ANXA10: variants seen among roughly 807,000 people sequenced by gnomAD.
ANXA10 encodes the protein annexin 14.
In ANXA10, 49 loss-of-function variants were observed where a neutral mutation model predicts 53.5. The ratio of observed to expected loss-of-function variants is 0.92; its 90% CI spans 0.73 to 1.16. ANXA10 has a LOEUF of 1.16. ANXA10 is among the 50% of genes most tolerant of loss of function. ANXA10 has a pLI of 0.00. For missense variants in ANXA10, 393 were observed against 394.4 expected, an observed-to-expected ratio of 1.00 and a Z score of 0.03; for synonymous variants, 131 against 128.9, an observed-to-expected ratio of 1.02 and a Z score of -0.11.
intron 1 of ANXA10, among the ~76,000 whole-genome samples, chr4:168,114,385 C>T (rs1335063054): frequency 3.3e-5 from 5 of 151,966 alleles, no homozygotes; most frequent in East Asian, 1.9e-4. Flanking sequence ...GCAATTCTCC[C>T]GACTCAGCCT....
chr4:168,123,288 A>AG (rs1349288117), intron 1 of ANXA10, among the ~76,000 whole-genome samples: 1 of 151,790 alleles, frequency 6.6e-6, no homozygotes, highest in Admixed American at 6.6e-5. Context: ...AAAAACAAAA[A>AG]AAACCCAGAC....
intron 2 of ANXA10, among the ~76,000 whole-genome samples, chr4:168,134,312 A>G (rs1731200565): frequency 1.3e-5 from 2 of 152,148 alleles, no homozygotes; most frequent in Admixed American, 6.6e-5. Context: ...GACAACACTT[A>G]CAAAATTGAT....
chr4:168,148,454 C>T (rs927221551), intron 3 of ANXA10, among the ~76,000 whole-genome samples: 4 of 152,086 alleles, frequency 2.6e-5, no homozygotes, highest in Admixed American at 1.3e-4. Flanking sequence ...CATGAGCCAC[C>T]GTGCCTGGCC....
intron 6 of ANXA10, among the ~76,000 whole-genome samples, chr4:168,167,801 A>T (rs2149478222): frequency 6.6e-6 from 1 of 152,040 alleles, no homozygotes; most frequent in East Asian, 1.9e-4. Flanking sequence ...TGCCTTTTTT[A>T]TTTTCACGAC....
chr4:168,153,332 C>G (rs1282988092), intron 3 of ANXA10, among the ~76,000 whole-genome samples: 1 of 150,574 alleles, frequency 6.6e-6, no homozygotes, highest in Non-Finnish European at 1.5e-5. Flanking sequence ...TCTGGTTGGG[C>G]CAAGAAAGGG....
chr4:168,114,691 G>A (rs761050774), intron 1 of ANXA10, among the ~76,000 whole-genome samples: 1 of 151,962 alleles, frequency 6.6e-6, no homozygotes, highest in Non-Finnish European at 1.5e-5. Context: ...CCCTCTATGT[G>A]TCCATGTGTT....
At chr4:168,178,573 G>A (rs751624443) in intron 8 of ANXA10, among the ~76,000 whole-genome samples, 1 of 151,978 alleles carries the variant, frequency 6.6e-6, no homozygotes, top group Non-Finnish European at 1.5e-5. Flanking sequence ...GTCAATAAGA[G>A]ACATTACCTG....
intron 6 of ANXA10, among the ~76,000 whole-genome samples, chr4:168,175,798 C>A (rs1325993973): frequency 6.6e-6 from 1 of 152,172 alleles, no homozygotes; most frequent in East Asian, 1.9e-4. Flanking sequence ...GGACATACAA[C>A]TTTTGAGTTA....
chr4:168,133,113 A>AT (rs1001067158), intron 2 of ANXA10, among the ~76,000 whole-genome samples: 17 of 152,194 alleles, frequency 1.1e-4, no homozygotes, highest in African/African-American at 4.1e-4. Flanking sequence ...ACAATTTTGC[A>AT]TTTTTATGCT....
At chr4:168,092,746 C>A (rs755669330) in intron 1 of ANXA10, 28 bp downstream of exon 1, 3 of 1,515,630 alleles carry the variant, frequency 2.0e-6, no homozygotes, top group Non-Finnish European at 2.7e-6. Context: ...TTCTGTAAAG[C>A]TTTTCACTCT....
At chr4:168,111,544 G>A (rs1188730403) in intron 1 of ANXA10, among the ~76,000 whole-genome samples, 1 of 152,116 alleles carries the variant, frequency 6.6e-6, no homozygotes, top group Non-Finnish European at 1.5e-5. Context: ...CAACATTCAA[G>A]GCACCTATTC....
chr4:168,153,839 T>C (rs73862561), intron 3 of ANXA10, among the ~76,000 whole-genome samples: 1,689 of 152,332 alleles, frequency 0.011, 32 homozygotes, highest in African/African-American at 0.037. Flanking sequence ...TATTTTGCAC[T>C]GTGAGGATTC....
intron 6 of ANXA10, among the ~76,000 whole-genome samples, chr4:168,166,857 A>G (rs1281821211): frequency 6.6e-6 from 1 of 152,182 alleles, no homozygotes; most frequent in Non-Finnish European, 1.5e-5. Context: ...TAAAAAAAGA[A>G]TACATGAAAG....
chr4:168,173,213 T>C (rs892349047), intron 6 of ANXA10, among the ~76,000 whole-genome samples: 8 of 152,150 alleles, frequency 5.3e-5, no homozygotes, highest in Non-Finnish European at 1.2e-4. Flanking sequence ...GTAAAGGGTA[T>C]AGCTAGAGAA....
intron 1 of ANXA10, among the ~76,000 whole-genome samples, chr4:168,116,705 AAC>A (rs768636544): frequency 1.2e-4 from 18 of 152,180 alleles, no homozygotes; most frequent in Non-Finnish European, 2.1e-4. Flanking sequence ...AACTGAGAAA[AAC>A]ATCCCATTAT....
At chr4:168,171,919 G>A (rs1305821966) in intron 6 of ANXA10, among the ~76,000 whole-genome samples, 1 of 152,130 alleles carries the variant, frequency 6.6e-6, no homozygotes, top group East Asian at 1.9e-4. Flanking sequence ...TGCTTACCTT[G>A]GCTTTCAGAA....
At chr4:168,128,342 C>T (rs1731106240) in intron 2 of ANXA10, among the ~76,000 whole-genome samples, 177 bp downstream of exon 2, 1 of 149,450 alleles carries the variant, frequency 6.7e-6, no homozygotes, top group African/African-American at 2.5e-5. Context: ...TATAAAAAGA[C>T]AATAATGATG....
intron 3 of ANXA10, among the ~76,000 whole-genome samples, chr4:168,154,444 A>G (rs1560782766): frequency 6.6e-6 from 1 of 152,198 alleles, no homozygotes; most frequent in Non-Finnish European, 1.5e-5. Context: ...ACATATATTT[A>G]TCATATAATG....
At chr4:168,126,901 T>G (rs1345400476) in intron 1 of ANXA10, among the ~76,000 whole-genome samples, 1 of 152,192 alleles carries the variant, frequency 6.6e-6, no homozygotes, top group Non-Finnish European at 1.5e-5. Context: ...ATTCTTAGTT[T>G]TGAGTTCTTA....
Sources: allele counts gnomAD v4.1 joint callset (sites outside exome capture counted in the v4.1 genomes callset), GRCh38; gene constraint gnomAD v4.1.1; transcripts MANE v1.5; gene names NCBI Gene and HGNC (gene_info 2026-07-23, HGNC 2026-07-21).